The following PTPRE variants were observed in gnomAD, a reference collection of about 807,000 sequenced individuals.
PTPRE encodes the protein receptor-type tyrosine-protein phosphatase epsilon.
PTPRE carries 51 observed loss-of-function variants against 102.0 expected under a neutral mutation model. That is an observed-to-expected ratio of 0.50 (90% CI 0.40 to 0.63). The LOEUF (loss-of-function observed/expected upper bound fraction) is 0.63, where lower values mean the gene tolerates loss of function less well. Ranked by LOEUF, PTPRE falls within the 30% of genes least tolerant of loss-of-function variation. The pLI is 0.00. For synonymous variants in PTPRE, 345 were observed against 348.2 expected (o/e 0.99, Z 0.10); for missense variants, 752 against 915.1 (o/e 0.82, Z 2.30).
intron 1 of PTPRE, among the ~76,000 whole-genome samples, chr10:127,925,617 G>A (rs1199319089): frequency 6.6e-6 from 1 of 152,226 alleles, no homozygotes; most frequent in African/African-American, 2.4e-5. Flanking sequence ...CTTTTAGTAA[G>A]AATGTGGCCT....
At chr10:128,074,472 C>T (rs1226305839) in intron 17 of PTPRE, among the ~76,000 whole-genome samples, 1 of 152,170 alleles carries the variant, frequency 6.6e-6, no homozygotes, top group Non-Finnish European at 1.5e-5. Context: ...TCGCGGCCAG[C>T]CTGGCCAACA....
intron 1 of PTPRE, among the ~76,000 whole-genome samples, chr10:127,970,957 CTA>C (rs1850681198): frequency 6.6e-6 from 1 of 152,116 alleles, no homozygotes; most frequent in African/African-American, 2.4e-5. Context: ...GGATAAGCTT[CTA>C]TGTCATTAAA....
chr10:127,949,319 G>T (rs1848850878), intron 1 of PTPRE, among the ~76,000 whole-genome samples: 1 of 152,052 alleles, frequency 6.6e-6, no homozygotes, highest in Non-Finnish European at 1.5e-5. Flanking sequence ...TGTCTCTCTG[G>T]AGAACCCTGG....
intron 2 of PTPRE, among the ~76,000 whole-genome samples, chr10:127,990,444 A>G (rs1327882596): frequency 1.3e-5 from 2 of 151,810 alleles, no homozygotes; most frequent in African/African-American, 4.8e-5. Flanking sequence ...GAAAGAAAAG[A>G]AAAGAAAGCG....
In PTPRE at chr10:128,083,086, A is replaced by C; in HGVS notation, c.*180A>C. The C allele has an allele frequency of 2.1e-6, 1 of 470,790 alleles. No homozygotes were observed. The highest frequency in any genetic ancestry group is 3.5e-6 in the Non-Finnish European group (1 of 288,658). 29.2% of individuals were successfully genotyped at this position (470,790 alleles called of 1,614,324 possible). On this transcript the variant is annotated 3_prime_UTR_variant, in exon 21 of 21. Transcript: ENST00000254667. The stretch of plus-strand genomic sequence containing the variant: ...CTTAAATATGCTTTTTAAAAATTGG[A>C]ATAATGTATTAAGGTCAAATAATAT...
intron 1 of PTPRE, among the ~76,000 whole-genome samples, chr10:127,963,913 T>C (rs1215596935): frequency 6.6e-6 from 1 of 152,168 alleles, no homozygotes; most frequent in Non-Finnish European, 1.5e-5. Context: ...ACCTTGACCC[T>C]CTGTGCCTGA....
At chr10:127,909,214 A>T (rs543986299) in intron 1 of PTPRE, among the ~76,000 whole-genome samples, 38 of 152,264 alleles carry the variant, frequency 2.5e-4, no homozygotes, top group Non-Finnish European at 4.0e-4. Flanking sequence ...ATTGCCCCTG[A>T]GAGTAGATGC....
chr10:128,003,694 C>T (rs541010740), intron 2 of PTPRE, among the ~76,000 whole-genome samples: 10 of 152,258 alleles, frequency 6.6e-5, no homozygotes, highest in African/African-American at 2.2e-4. Context: ...TGCGCCCCAA[C>T]TTAATTAGTA....
At chr10:127,935,310 G>A (rs933059220) in intron 1 of PTPRE, among the ~76,000 whole-genome samples, 1 of 151,976 alleles carries the variant, frequency 6.6e-6, no homozygotes, top group African/African-American at 2.4e-5. Flanking sequence ...CAGAGCTTTT[G>A]TGACCAAAAT....
At chr10:128,077,857 C>A in intron 19 of PTPRE, 74 bp downstream of exon 19, 1 of 1,498,972 alleles carries the variant, frequency 6.7e-7, no homozygotes. Flanking sequence ...CAGCTGTGGG[C>A]AGCAGAGCCT....
chr10:128,003,151 T>A (rs1854144201), intron 2 of PTPRE, among the ~76,000 whole-genome samples: 1 of 152,216 alleles, frequency 6.6e-6, no homozygotes, highest in East Asian at 1.9e-4. Context: ...GGGAGGTGAC[T>A]TGACTGCTGT....
intron 2 of PTPRE, among the ~76,000 whole-genome samples, chr10:127,987,929 G>C (rs966240392): frequency 7.2e-5 from 11 of 152,344 alleles, no homozygotes; most frequent in African/African-American, 2.4e-4. Flanking sequence ...TTGTCTTCAG[G>C]CTCCTGAGGC....
Position 127,959,940 on chromosome 10 carries a change from ACT to A in PTPRE, c.-30-22329_-30-22328del, listed in dbSNP as rs1849675891. Among the ~76,000 whole-genome samples the A allele has an allele frequency of 4.6e-5, 7 of 152,124 alleles. No individual in the cohort carries two copies. The South Asian group carries it at 1.5e-3, about 32-fold the overall frequency. On this transcript the variant is annotated intron_variant, in intron 1 of 20. Coordinates refer to ENST00000254667, the MANE Select transcript of PTPRE (RefSeq NM_006504.6). ...TTCATTCAAAGGGAGATTTACTGATACTCTCTTTAGTGCTGTAAGAGATGTGA... is the reference window on the plus strand; with the variant it reads ...TTCATTCAAAGGGAGATTTACTGATACTCTTTAGTGCTGTAAGAGATGTGA...
At position 128,068,250 on chromosome 10, in the gene PTPRE, AC is replaced by A; in HGVS notation, c.975del (p.Val326CysfsTer22). 1.2e-6 allele frequency: 2 copies of A among 1,614,070 alleles called. No homozygotes were observed. Among genetic ancestry groups the A allele is most frequent in the Non-Finnish European group, 1.7e-6 (2 of 1,179,972 alleles). Reference sequence around the variant, plus strand: ...TTCCTCAAGAAAGTAAAGACGCTCAACCCCGTGCACGCTGGGCCCATCGTGG... The same window carrying A: ...TTCCTCAAGAAAGTAAAGACGCTCAACCCGTGCACGCTGGGCCCATCGTGG... ...LKFLKKVKTL[N>X]PVHAGPIVVH... On this transcript the variant is annotated frameshift_variant, in exon 12 of 21. Transcript: ENST00000254667. LOFTEE classifies it high-confidence loss of function.
intron 18 of PTPRE, 145 bp from the exon 19 acceptor site, chr10:128,077,472 C>A: frequency 9.2e-7 from 1 of 1,084,562 alleles, no homozygotes; most frequent in Non-Finnish European, 1.3e-6. Context: ...CAGCCTTCTC[C>A]TTCAGGCTGC....
intron 1 of PTPRE, among the ~76,000 whole-genome samples, chr10:127,915,680 A>T (rs1434714184): frequency 6.6e-6 from 1 of 152,232 alleles, no homozygotes; most frequent in Non-Finnish European, 1.5e-5. Context: ...ATTCTTAGCT[A>T]GCCAACAACA....
chr10:128,019,760 G>T (rs1191786033), intron 2 of PTPRE, among the ~76,000 whole-genome samples: 1 of 152,222 alleles, frequency 6.6e-6, no homozygotes, highest in Non-Finnish European at 1.5e-5. Flanking sequence ...CAGGCTGTGA[G>T]TGGGATGGGA....
Position 128,079,614 on chromosome 10 carries a change from A to G in PTPRE, c.1947A>G (p.Arg649=). The stretch of plus-strand genomic sequence containing the variant: ...TAGCCCTCAGCAACATTTTGGAGCG[A>G]GTAAAAGCCGAGGGACTTTTAGATG... The part of the protein sequence containing the change: ...TFIALSNILE[R]VKAEGLLDVF... Residue 649 remains arginine, a synonymous_variant, in exon 20 of 21, where the codon CGA becomes CGG. Transcript: ENST00000254667. The G allele has an allele frequency of 6.2e-7, 1 of 1,614,216 alleles. No homozygotes were observed. Among genetic ancestry groups the G allele is most frequent in the Non-Finnish European group, 8.5e-7 (1 of 1,180,034 alleles).
chr10:127,915,665 G>A (rs771401102), intron 1 of PTPRE, among the ~76,000 whole-genome samples: 1 of 152,130 alleles, frequency 6.6e-6, no homozygotes, highest in Non-Finnish European at 1.5e-5. Context: ...TGCCAAGCCA[G>A]GCCTATTCTT....
Sources: gnomAD v4.1 joint callset for allele counts (sites outside exome capture counted in the v4.1 genomes callset) on GRCh38, gnomAD v4.1.1 for gene constraint, MANE v1.5 for transcripts, NCBI Gene and HGNC (gene_info 2026-07-23, HGNC 2026-07-21) for gene names.